Variants in PTK2B observed in about 807,000 individuals in gnomAD.
PTK2B encodes protein-tyrosine kinase 2-beta.
A neutral mutation model predicts 142.9 loss-of-function variants in PTK2B; 71 were observed. That is an observed-to-expected ratio of 0.50 (90% CI 0.41 to 0.61). The LOEUF (loss-of-function observed/expected upper bound fraction) is 0.61. Ranked by LOEUF, PTK2B falls within the 20% of genes least tolerant of loss-of-function variation. PTK2B has a pLI of 0.00. For synonymous variants in PTK2B, 519 were observed against 503.4 expected, an observed-to-expected ratio of 1.03 and a Z score of -0.42; for missense variants, 1,105 against 1,320.4, an observed-to-expected ratio of 0.84 and a Z score of 2.53.
intron 10 of PTK2B, 77 bp downstream of exon 10, chr8:27,432,438 C>T: frequency 8.5e-6 from 12 of 1,408,040 alleles, no homozygotes; most frequent in Non-Finnish European, 1.2e-5. Context: ...TTGCTCAGAC[C>T]AAAAGTCTGT....
At chr8:27,324,210 G>A (rs1388186450), upstream of PTK2B, among the ~76,000 whole-genome samples, 1 of 152,136 alleles carries the variant, frequency 6.6e-6, no homozygotes, top group African/African-American at 2.4e-5. Flanking sequence ...TCCATCCCTG[G>A]CCAAGTTCTC....
In PTK2B at chr8:27,432,131, T is replaced by C. The variant is rs1810469455; in HGVS notation, c.886-129T>C. Reference sequence around the variant, plus strand: ...GAGGATCCTTCTAGCCTTAATAGTGTTTGATTCTCTCTTCATCTCCCAGAG... The same window carrying C: ...GAGGATCCTTCTAGCCTTAATAGTGCTTGATTCTCTCTTCATCTCCCAGAG... On this transcript the variant is annotated intron_variant, in intron 9 of 30. Coordinates refer to ENST00000346049, the MANE Select transcript of PTK2B (RefSeq NM_173176.3). 6.5e-6 allele frequency: 5 copies of C among 774,030 alleles called. No individual in the cohort carries two copies. The Admixed American group carries it at 1.2e-4, about 18-fold the overall frequency. 47.9% of individuals were successfully genotyped at this position (774,030 alleles called of 1,614,324 possible). A position where few individuals can be genotyped will look rare whatever the true frequency, so the allele number is the denominator to read the frequency against.
rs1170523854 is a variant in PTK2B at position 27,397,624 on chromosome 8, G to C, written c.40G>C (p.Gly14Arg). Residue 14 changes from glycine to arginine, a missense_variant, in exon 2 of 31, where the codon GGC becomes CGC. Transcript: ENST00000346049. ...CGAGCCCCTGAGTCGAGTAAAGTTG[G>C]GCACGTTACGCCGGCCTGAAGGCCC... is the stretch of plus-strand genomic sequence containing the variant. ...VSEPLSRVKL[G>R]TLRRPEGPAE... 6.2e-7 allele frequency: 1 copy of C among 1,614,184 alleles called. No individual in the cohort carries two copies. The highest frequency in any genetic ancestry group is 1.3e-5 in the African/African-American group (1 of 75,040).
intron 2 of PTK2B, among the ~76,000 whole-genome samples, chr8:27,418,772 A>C (rs2003247): frequency 0.37 from 55,617 of 152,070 alleles, 10,587 homozygotes; most frequent in Middle Eastern, 0.46. Context: ...TCACGCCTGT[A>C]ATCCCAGCAC....
intron 20 of PTK2B, among the ~76,000 whole-genome samples, chr8:27,439,882 A>G (rs1349444134): frequency 6.6e-6 from 1 of 152,166 alleles, no homozygotes; most frequent in Non-Finnish European, 1.5e-5. Context: ...CCGCAATCAC[A>G]CAGGCACCAA....
chr8:27,453,087 C>T (rs768608128), intron 27 of PTK2B, 27 bp from the exon 28 acceptor site: 1 of 1,613,146 alleles, frequency 6.2e-7, no homozygotes, highest in Non-Finnish European at 8.5e-7. Context: ...GAGAACTGCC[C>T]CCCACTTGCT....
At chr8:27,453,947 A>C (rs1040933327) in intron 28 of PTK2B, 6 of 601,554 alleles carry the variant, frequency 1.0e-5, no homozygotes, top group Admixed American at 6.4e-5. Flanking sequence ...GGCTACCACT[A>C]GTATTCCGTT....
chr8:27,314,585 C>T (rs1803054272), intron 3 of PTK2B, among the ~76,000 whole-genome samples: 2 of 152,240 alleles, frequency 1.3e-5, no homozygotes, highest in Admixed American at 1.3e-4. Context: ...TTTACTTCAT[C>T]CTCTCCATTT....
intron 30 of PTK2B, 131 bp downstream of exon 30, chr8:27,454,742 T>C: frequency 1.1e-6 from 1 of 942,952 alleles, no homozygotes; most frequent in Admixed American, 2.1e-5. Flanking sequence ...GTGGGTTCTA[T>C]GTGGCTTATC....
intron 2 of PTK2B, among the ~76,000 whole-genome samples, chr8:27,404,953 T>C (rs1303654167): frequency 6.6e-6 from 1 of 151,438 alleles, no homozygotes; most frequent in African/African-American, 2.4e-5. Context: ...GGGGGCCCTA[T>C]AATGGGATTA....
At chr8:27,311,419 G>T, upstream of PTK2B, 1 of 739,320 alleles carries the variant, frequency 1.4e-6, no homozygotes, top group Non-Finnish European at 2.1e-6. Flanking sequence ...GGCGCTCGGA[G>T]GAGCCCCACC....
chr8:27,365,696 T>G (rs375313965), intron 1 of PTK2B, among the ~76,000 whole-genome samples: 85 of 152,326 alleles, frequency 5.6e-4, no homozygotes, highest in African/African-American at 1.9e-3. Flanking sequence ...CACCACTCAT[T>G]AAAAATACCC....
intron 1 of PTK2B, among the ~76,000 whole-genome samples, chr8:27,348,060 C>T (rs879371312): frequency 2.6e-5 from 4 of 152,144 alleles, no homozygotes; most frequent in Non-Finnish European, 4.4e-5. Context: ...TTCACAAACC[C>T]AAGGTGCTTT....
At position 27,413,034 on chromosome 8, in the gene PTK2B, A is replaced by C. The variant is rs537057394; in HGVS notation, c.205-6861A>C. 2.4e-3 allele frequency among the ~76,000 whole-genome samples: 325 copies of C among 134,808 alleles called. 1 individual carries two copies. The highest frequency in any genetic ancestry group is 4.1e-3 in the Admixed American group (57 of 13,948). 88.4% of individuals were successfully genotyped at this position (134,808 alleles called of 152,430 possible). ...TGAAATTATTTCATACTTTTTAAAA[A>C]GTTGGAAAAAAAAAAAACAAGGCTA... On this transcript the variant is annotated intron_variant, in intron 2 of 30. Transcript: ENST00000346049.
rs1811992936 is a variant in PTK2B, at chr8:27,454,145, T to A, written c.2596-9T>A. ...CCCAACTCACTGGCCACCTGCGTCT[T>A]CCCCTCAGTCCATCCAGCCCACAGC... On this transcript the variant is annotated splice_polypyrimidine_tract_variant and intron_variant, in intron 28 of 30. Transcript: ENST00000346049. 6.2e-7 allele frequency: 1 copy of A among 1,613,724 alleles called. No individual in the cohort carries two copies. The highest frequency in any genetic ancestry group is 8.5e-7 in the Non-Finnish European group (1 of 1,179,946).
chr8:27,317,760 C>T (rs529994065), intron 3 of PTK2B, among the ~76,000 whole-genome samples: 1 of 152,310 alleles, frequency 6.6e-6, no homozygotes, highest in South Asian at 2.1e-4. Context: ...CCTCACATTC[C>T]CTGCTCGGCC....
chr8:27,369,663 C>G (rs1409499675), intron 1 of PTK2B, among the ~76,000 whole-genome samples: 2 of 151,244 alleles, frequency 1.3e-5, no homozygotes, highest in Non-Finnish European at 2.9e-5. Context: ...GAGTGAGACT[C>G]CATCTCAAAA....
intron 18 of PTK2B, among the ~76,000 whole-genome samples, chr8:27,438,159 C>T (rs553170981): frequency 6.6e-6 from 1 of 152,310 alleles, no homozygotes; most frequent in Non-Finnish European, 1.5e-5. Context: ...CCTGTGAGTG[C>T]CAGGAAATCG....
chr8:27,342,431 C>G (rs1248177686), intron 1 of PTK2B, among the ~76,000 whole-genome samples: 1 of 152,088 alleles, frequency 6.6e-6, no homozygotes, highest in Non-Finnish European at 1.5e-5. Context: ...CTGAGCCCAG[C>G]CTGCTTTGTT....
Sources: allele counts gnomAD v4.1 joint callset (sites outside exome capture counted in the v4.1 genomes callset), GRCh38; gene constraint gnomAD v4.1.1; transcripts MANE v1.5; gene names NCBI Gene and HGNC (gene_info 2026-07-23, HGNC 2026-07-21).